TUSC3: variants seen among roughly 807,000 people sequenced by gnomAD.
TUSC3 encodes the protein tumor suppressor candidate 3.
TUSC3 carries 45 observed loss-of-function variants against 44.8 expected under a neutral mutation model. The observed-to-expected ratio is 1.00, with a 90% CI of 0.79 to 1.29. TUSC3 has a LOEUF of 1.29. TUSC3 is among the 50% of genes most tolerant of loss of function. TUSC3 has a pLI of 0.00. For missense variants in TUSC3, 519 were observed against 437.9 expected (o/e 1.19, Z -1.65); for synonymous variants, 212 against 152.9 (o/e 1.39, Z -2.85).
chr8:15,596,639 C>T (rs1329429570), intron 1 of TUSC3, among the ~76,000 whole-genome samples: 5 of 152,040 alleles, frequency 3.3e-5, no homozygotes, highest in Admixed American at 2.0e-4. Flanking sequence ...TTAATGTCTT[C>T]GTATATTAAT....
chr8:15,613,768 T>A (rs1015226102), intron 1 of TUSC3, among the ~76,000 whole-genome samples: 7 of 152,198 alleles, frequency 4.6e-5, no homozygotes, highest in Non-Finnish European at 1.0e-4. Flanking sequence ...TTATAGATAT[T>A]TCTGTTCTCC....
At chr8:15,473,936 C>A (rs980752201) in intron 1 of TUSC3, among the ~76,000 whole-genome samples, 2 of 152,116 alleles carry the variant, frequency 1.3e-5, no homozygotes, top group African/African-American at 4.8e-5. Context: ...TTTTCTCCAA[C>A]CTAGTAAGCC....
At chr8:15,700,707 A>T (rs1039397479) in intron 6 of TUSC3, among the ~76,000 whole-genome samples, 1 of 152,092 alleles carries the variant, frequency 6.6e-6, no homozygotes, top group African/African-American at 2.4e-5. Context: ...GTAGGAAATC[A>T]TGGAATGATT....
intron 2 of TUSC3, among the ~76,000 whole-genome samples, chr8:15,648,487 G>C (rs1476336461): frequency 6.9e-6 from 1 of 145,484 alleles, no homozygotes; most frequent in Non-Finnish European, 1.5e-5. Flanking sequence ...AGCACTTTGA[G>C]AGGCTGAGGC....
chr8:15,836,931 T>C, the TUSC3 span, among the ~76,000 whole-genome samples: 1 of 152,216 alleles, frequency 6.6e-6, no homozygotes, highest in Non-Finnish European at 1.5e-5. Flanking sequence ...AACACTGTTA[T>C]ATAACTGCAA....
the TUSC3 span, among the ~76,000 whole-genome samples, chr8:15,804,973 TTTTA>T: frequency 2.0e-5 from 3 of 152,186 alleles, no homozygotes; most frequent in Admixed American, 6.6e-5. Context: ...CATGGAATTT[TTTTA>T]TTTGTTTGTG....
intron 1 of TUSC3, among the ~76,000 whole-genome samples, chr8:15,611,970 T>A (rs185524860): frequency 2.5e-3 from 384 of 152,334 alleles, no homozygotes; most frequent in African/African-American, 8.5e-3. Context: ...TTCATTGAAC[T>A]CCTTAAATAT....
At chr8:15,695,158 A>G (rs890570280) in intron 6 of TUSC3, among the ~76,000 whole-genome samples, 12 of 152,304 alleles carry the variant, frequency 7.9e-5, no homozygotes, top group South Asian at 2.1e-4. Flanking sequence ...AGTTAGCACC[A>G]TCTGATATGG....
chr8:15,840,020 A>G, the TUSC3 span, among the ~76,000 whole-genome samples: 1 of 152,218 alleles, frequency 6.6e-6, no homozygotes, highest in Non-Finnish European at 1.5e-5. Context: ...AATGTGGCAC[A>G]TATACACCAT....
chr8:15,646,022 C>T (rs954529503), intron 2 of TUSC3, among the ~76,000 whole-genome samples: 12 of 152,076 alleles, frequency 7.9e-5, no homozygotes, highest in Non-Finnish European at 1.6e-4. Context: ...AATGCCACTT[C>T]TGTACTAGAT....
rs146336542 is a variant in TUSC3, at chr8:15,729,622, A to G, written c.799-1044A>G. Among the ~76,000 whole-genome samples, 885 of 152,288 alleles carry G rather than the reference A, an allele frequency of 5.8e-3. 10 individuals carry two copies. Among genetic ancestry groups the G allele is most frequent in the African/African-American group, 0.02 (841 of 41,562 alleles). ...CAAATTAATGCAGTAACAGAAAACCAAGTACCACATCTTAACTTGTAAGTA... is the reference window on the plus strand; with the variant it reads ...CAAATTAATGCAGTAACAGAAAACCGAGTACCACATCTTAACTTGTAAGTA... On this transcript the variant is annotated intron_variant, in intron 6 of 10. Coordinates refer to ENST00000503731, the MANE Select transcript of TUSC3 (RefSeq NM_006765.4).
intron 1 of TUSC3, among the ~76,000 whole-genome samples, chr8:15,440,503 G>A (rs1246831676): frequency 6.6e-6 from 1 of 152,170 alleles, no homozygotes; most frequent in East Asian, 1.9e-4. Context: ...TCTCACTGAT[G>A]TTGCCGTGTG....
chr8:15,623,949 C>A (rs554290498), intron 2 of TUSC3, among the ~76,000 whole-genome samples: 8 of 152,046 alleles, frequency 5.3e-5, no homozygotes, highest in African/African-American at 1.9e-4. Context: ...TAAAGTCACC[C>A]GCACTCTCCA....
chr8:15,813,844 G>A, the TUSC3 span, among the ~76,000 whole-genome samples: 1 of 152,050 alleles, frequency 6.6e-6, no homozygotes, highest in Non-Finnish European at 1.5e-5. Context: ...TTACGTTGAG[G>A]CAGTGGGATG....
downstream of TUSC3, among the ~76,000 whole-genome samples, chr8:15,771,191 GAA>G (rs1206517759): frequency 2.6e-5 from 4 of 152,158 alleles, no homozygotes; most frequent in South Asian, 8.3e-4. Flanking sequence ...TACCTTCCCA[GAA>G]AAAAGAGTCT....
At chr8:15,848,239 A>C in the TUSC3 span, among the ~76,000 whole-genome samples, 1 of 152,122 alleles carries the variant, frequency 6.6e-6, no homozygotes, top group Admixed American at 6.5e-5. Flanking sequence ...CCTGTGTAGG[A>C]CAGTTCCCCA....
the TUSC3 span, among the ~76,000 whole-genome samples, chr8:15,814,271 A>T: frequency 2.0e-5 from 3 of 152,298 alleles, 1 homozygote; most frequent in South Asian, 6.2e-4. Flanking sequence ...AAGTTCCATG[A>T]TAAAACAGTA....
the TUSC3 span, among the ~76,000 whole-genome samples, chr8:15,829,437 A>G: frequency 6.6e-6 from 1 of 152,114 alleles, no homozygotes; most frequent in Non-Finnish European, 1.5e-5. Context: ...AAACTTTTCA[A>G]TCTTTGCCAA....
At chr8:15,456,238 T>C (rs918480426) in intron 1 of TUSC3, among the ~76,000 whole-genome samples, 2 of 152,180 alleles carry the variant, frequency 1.3e-5, no homozygotes, top group African/African-American at 2.4e-5. Context: ...ACTGGCCTCA[T>C]GTGACTTAAA....
Sources: allele counts gnomAD v4.1 joint callset (sites outside exome capture counted in the v4.1 genomes callset), GRCh38; gene constraint gnomAD v4.1.1; transcripts MANE v1.5; gene names NCBI Gene and HGNC (gene_info 2026-07-23, HGNC 2026-07-21).